The following DMD variants were observed in gnomAD, a reference collection of about 807,000 sequenced individuals.
The protein encoded by DMD is dystrophin.
DMD carries 63 observed loss-of-function variants against 330.1 expected under a neutral mutation model. The observed-to-expected ratio is 0.19, with a 90% CI of 0.16 to 0.24. The LOEUF (loss-of-function observed/expected upper bound fraction) is 0.24. Ranked by LOEUF, DMD falls within the 10% of genes least tolerant of loss-of-function variation. The pLI, the probability that DMD is intolerant of heterozygous loss-of-function variation, is 1.00. For synonymous variants in DMD, 1,223 were observed against 959.8 expected (o/e 1.27, Z -5.07); for missense variants, 3,344 against 2,684.1 (o/e 1.25, Z -5.43).
At chrX:33,108,392 C>T (rs868493575) in intron 1 of DMD, among the ~76,000 whole-genome samples, 1 of 110,146 alleles carries the variant, frequency 9.1e-6, no homozygotes, top group East Asian at 2.9e-4. Flanking sequence ...TCAGCACCCC[C>T]GAGTAGCTGG....
At chrX:31,344,664 C>A (rs2057986258) in intron 61 of DMD, among the ~76,000 whole-genome samples, 1 of 110,219 alleles carries the variant, frequency 9.1e-6, no homozygotes, top group Admixed American at 9.7e-5. Context: ...GCCTGGCCAA[C>A]ATAGTGAAAC....
At chrX:32,229,713 T>A (rs1419800640) in intron 43 of DMD, among the ~76,000 whole-genome samples, 29 of 81,857 alleles carry the variant, frequency 3.5e-4, no homozygotes, top group African/African-American at 1.3e-3. Flanking sequence ...TATATATATA[T>A]ATATATATAT....
At chrX:32,409,013 T>C (rs1055495039) in intron 30 of DMD, among the ~76,000 whole-genome samples, 14 of 110,755 alleles carry the variant, frequency 1.3e-4, no homozygotes, top group African/African-American at 3.9e-4. Flanking sequence ...TTACACACTG[T>C]GCTTATGTTA....
chrX:32,524,307 A>G (rs2046744422), intron 17 of DMD, among the ~76,000 whole-genome samples: 1 of 111,865 alleles, frequency 8.9e-6, no homozygotes, highest in African/African-American at 3.3e-5. Flanking sequence ...TCCTTTTAAA[A>G]CGGTCAAATG....
chrX:32,100,351 A>AATCACTGTGT (rs1201756894), intron 44 of DMD, among the ~76,000 whole-genome samples: 1 of 105,136 alleles, frequency 9.5e-6, no homozygotes, highest in Non-Finnish European at 1.9e-5. Flanking sequence ...AAAGAAAGAA[A>AATCACTGTGT]ATCACTGTGT....
At chrX:32,018,220 C>A (rs1417283748) in intron 44 of DMD, among the ~76,000 whole-genome samples, 1 of 111,628 alleles carries the variant, frequency 9.0e-6, no homozygotes, top group African/African-American at 3.3e-5. Context: ...ATGTCATTTT[C>A]TTCCCATCCC....
chrX:32,754,546 T>TA (rs57307334), intron 7 of DMD, among the ~76,000 whole-genome samples: 51 of 102,119 alleles, frequency 5.0e-4, no homozygotes, highest in South Asian at 4.5e-3. Context: ...AATAAACCAT[T>TA]AAAAAAAAAA....
intron 44 of DMD, among the ~76,000 whole-genome samples, chrX:32,121,936 G>A (rs1389315850): frequency 9.1e-6 from 1 of 109,802 alleles, no homozygotes; most frequent in East Asian, 2.9e-4. Flanking sequence ...AGGAGTAAAC[G>A]TGAATATGAG....
Position 33,020,213 on chromosome X carries a change from A to T in DMD, c.32-13T>A. On this transcript the variant is annotated splice_polypyrimidine_tract_variant and intron_variant, in intron 1 of 78. Coordinates refer to ENST00000357033, the MANE Select transcript of DMD (RefSeq NM_004006.3). ...TCTTCTCTTTCATCTAAAATGCAAA[A>T]TAAAAAAATAAAAGTTAGGAAGCAA... 1.8e-6 allele frequency: 2 copies of T among 1,110,975 alleles called. No individual in the cohort carries two copies. Among genetic ancestry groups the T allele is most frequent in the Non-Finnish European group, 1.2e-6 (1 of 813,278 alleles). The allele number at this position is 1,110,975 out of a possible 1,213,427, so 91.6% of individuals were successfully genotyped here. A position where few individuals can be genotyped will look rare whatever the true frequency, so the allele number is the denominator to read the frequency against.
chrX:32,531,658 G>C (rs1237204629), intron 17 of DMD, among the ~76,000 whole-genome samples: 1 of 111,245 alleles, frequency 9.0e-6, no homozygotes, highest in Non-Finnish European at 1.9e-5. Flanking sequence ...TCAATACACA[G>C]TGAAGCACTG....
intron 9 of DMD, among the ~76,000 whole-genome samples, chrX:32,671,910 C>T (rs941864535): frequency 9.0e-6 from 1 of 111,408 alleles, no homozygotes; most frequent in Non-Finnish European, 1.9e-5. Context: ...CTCAAGTGGG[C>T]TCATCCATCA....
At chrX:31,526,834 G>A (rs767824885) in intron 55 of DMD, among the ~76,000 whole-genome samples, 2 of 112,348 alleles carry the variant, frequency 1.8e-5, no homozygotes, top group South Asian at 3.7e-4. Flanking sequence ...GAGGGGCTGG[G>A]CATGGTGGCT....
At position 32,422,202 on chromosome X, in the gene DMD, C is replaced by G. The variant is rs147379916; in HGVS notation, c.4072-10289G>C. ...GAACCTGACACATAATGCACCTTAG[C>G]AAAGTGCACCTTATACATGTGCTGA... On this transcript the variant is annotated intron_variant, in intron 29 of 78. Transcript: ENST00000357033. Among the ~76,000 whole-genome samples, 113 of 111,510 alleles carry G rather than the reference C, an allele frequency of 1.0e-3. 1 individual carries two copies. In the East Asian group the frequency reaches 0.031, roughly 31 times the overall value.
chrX:32,657,754 C>A (rs1341478078), intron 9 of DMD, among the ~76,000 whole-genome samples: 1 of 111,842 alleles, frequency 8.9e-6, no homozygotes, highest in Non-Finnish European at 1.9e-5. Flanking sequence ...AGGATAGTTA[C>A]AAAATGTCTC....
intron 7 of DMD, among the ~76,000 whole-genome samples, chrX:32,766,161 C>T (rs1198443289): frequency 9.0e-6 from 1 of 110,528 alleles, no homozygotes; most frequent in African/African-American, 3.3e-5. Flanking sequence ...TTTTCAAGAT[C>T]GTTTCAACTA....
chrX:32,017,659 G>T (rs924469372), intron 44 of DMD, among the ~76,000 whole-genome samples: 1 of 111,659 alleles, frequency 9.0e-6, no homozygotes. Flanking sequence ...TGGAGGTAGC[G>T]CCAGAAGTAT....
intron 45 of DMD, among the ~76,000 whole-genome samples, chrX:31,954,723 C>G (rs1425108106): frequency 9.2e-6 from 1 of 109,094 alleles, no homozygotes; most frequent in Non-Finnish European, 1.9e-5. Flanking sequence ...TTGGTGGTTA[C>G]CAGAGATCAG....
intron 44 of DMD, among the ~76,000 whole-genome samples, chrX:32,189,851 C>T (rs1229581600): frequency 9.0e-6 from 1 of 110,970 alleles, no homozygotes; most frequent in Admixed American, 9.7e-5. Flanking sequence ...TCTTTGGTCC[C>T]ATAGCACTTA....
chrX:32,331,354 C>T (rs2097678615), intron 41 of DMD, among the ~76,000 whole-genome samples: 1 of 111,405 alleles, frequency 9.0e-6, no homozygotes, highest in Non-Finnish European at 1.9e-5. Flanking sequence ...CTTTAGTGAA[C>T]CAAGTTTCCT....
Sources: allele counts gnomAD v4.1 joint callset (sites outside exome capture counted in the v4.1 genomes callset), GRCh38; gene constraint gnomAD v4.1.1; transcripts MANE v1.5; gene names NCBI Gene and HGNC (gene_info 2026-07-23, HGNC 2026-07-21).